COL25A1: variants seen among roughly 807,000 people sequenced by gnomAD.
COL25A1 encodes collagen alpha-1(XXV) chain.
Under a neutral mutation model 128.4 loss-of-function variants are expected in COL25A1, and 103 were observed. The observed-to-expected ratio is 0.80, with a 90% confidence interval of 0.68 to 0.94. The LOEUF (loss-of-function observed/expected upper bound fraction) is 0.94. Among genes scored for constraint, COL25A1 ranks in the 40% least tolerant of loss-of-function variants. The pLI, the probability that COL25A1 is intolerant of heterozygous loss-of-function variation, is 0.00. For synonymous variants in COL25A1, 279 were observed against 277.2 expected, an observed-to-expected ratio of 1.01 and a Z score of -0.06; for missense variants, 745 against 840.0, an observed-to-expected ratio of 0.89 and a Z score of 1.40.
chr4:109,287,356 A>G (rs886664658), intron 3 of COL25A1, among the ~76,000 whole-genome samples: 3 of 152,124 alleles, frequency 2.0e-5, no homozygotes, highest in Non-Finnish European at 2.9e-5. Context: ...CACCCACAGT[A>G]AGTCACAATA....
intron 3 of COL25A1, among the ~76,000 whole-genome samples, chr4:109,108,222 T>C (rs943816656): frequency 5.3e-5 from 8 of 152,158 alleles, no homozygotes; most frequent in Non-Finnish European, 1.2e-4. Flanking sequence ...GATGTTCCCC[T>C]TCCTGTATCC....
At chr4:109,130,900 T>C (rs1769134167) in intron 3 of COL25A1, among the ~76,000 whole-genome samples, 1 of 152,200 alleles carries the variant, frequency 6.6e-6, no homozygotes, top group Admixed American at 6.5e-5. Flanking sequence ...ATAATTCATA[T>C]ACCAAAACAG....
At chr4:108,856,139 T>C (rs1320324394) in intron 24 of COL25A1, among the ~76,000 whole-genome samples, 2 of 152,204 alleles carry the variant, frequency 1.3e-5, no homozygotes, top group South Asian at 2.1e-4. Flanking sequence ...GTTACTTTCT[T>C]TCATTTCTCA....
intron 13 of COL25A1, among the ~76,000 whole-genome samples, chr4:108,914,131 C>G (rs1744590251): frequency 6.6e-6 from 1 of 152,096 alleles, no homozygotes; most frequent in Non-Finnish European, 1.5e-5. Context: ...TTGGTGGAAA[C>G]AAGTCCAAAT....
chr4:108,904,899 G>T (rs543296181), intron 13 of COL25A1, among the ~76,000 whole-genome samples: 2 of 116,432 alleles, frequency 1.7e-5, no homozygotes, highest in African/African-American at 5.6e-5. Context: ...AGGATGGCTT[G>T]CTGCTTTCAT....
intron 3 of COL25A1, among the ~76,000 whole-genome samples, chr4:109,130,308 A>C (rs1413807915): frequency 6.6e-6 from 1 of 152,204 alleles, no homozygotes; most frequent in East Asian, 1.9e-4. Flanking sequence ...TGTTCACACA[A>C]AAGATATACA....
intron 3 of COL25A1, among the ~76,000 whole-genome samples, chr4:109,296,893 C>G (rs1330391472): frequency 5.9e-5 from 9 of 152,064 alleles, no homozygotes; most frequent in Admixed American, 3.9e-4. Context: ...AAAACCTTCT[C>G]ATAGATATGC....
At chr4:109,258,156 G>A (rs969940691) in intron 3 of COL25A1, among the ~76,000 whole-genome samples, 1 of 151,068 alleles carries the variant, frequency 6.6e-6, no homozygotes, top group Non-Finnish European at 1.5e-5. Flanking sequence ...GTACTGGCTT[G>A]GTCTCCAGTT....
rs368684927 is a variant in COL25A1, at chr4:109,049,627, A to C, written c.412+508T>G. On this transcript the variant is annotated intron_variant, in intron 4 of 37. Coordinates refer to ENST00000399132, the MANE Select transcript of COL25A1 (RefSeq NM_198721.4). ...CACTAAAATTCCATGGTTGTACAAG[A>C]AGGATAAAACATTCCCAAATTTTGA... 3.3e-5 allele frequency among the ~76,000 whole-genome samples: 5 copies of C among 152,352 alleles called. No individual in the cohort carries two copies. In the East Asian group the frequency reaches 9.6e-4, roughly 29 times the overall value.
chr4:109,124,544 T>C (rs554404179), intron 3 of COL25A1, among the ~76,000 whole-genome samples: 219 of 152,066 alleles, frequency 1.4e-3, no homozygotes, highest in African/African-American at 4.8e-3. Flanking sequence ...GAATTAAAAT[T>C]TTTTTTCCAG....
At chr4:109,028,052 T>C in intron 5 of COL25A1, among the ~76,000 whole-genome samples, 1 of 152,194 alleles carries the variant, frequency 6.6e-6, no homozygotes. Flanking sequence ...GATCATCTAA[T>C]GAGGCAATGT....
At chr4:108,915,438 C>T (rs1209421941) in intron 13 of COL25A1, among the ~76,000 whole-genome samples, 1 of 152,154 alleles carries the variant, frequency 6.6e-6, no homozygotes, top group South Asian at 2.1e-4. Context: ...TGAGCTTAGG[C>T]AATCCTCCTG....
intron 3 of COL25A1, among the ~76,000 whole-genome samples, chr4:109,057,988 C>T (rs566948926): frequency 3.6e-4 from 55 of 152,226 alleles, no homozygotes; most frequent in Non-Finnish European, 5.6e-4. Flanking sequence ...CTGAGTGCAA[C>T]GTTTTCTGGG....
At chr4:109,026,182 T>C (rs6856208) in intron 5 of COL25A1, among the ~76,000 whole-genome samples, 77,031 of 150,856 alleles carry the variant, frequency 0.51, 22,401 homozygotes, top group African/African-American at 0.78. Context: ...ATAATTCACC[T>C]GGGTTAAGAA....
intron 5 of COL25A1, among the ~76,000 whole-genome samples, chr4:109,012,363 C>T (rs989997286): frequency 1.3e-5 from 2 of 152,110 alleles, no homozygotes; most frequent in Admixed American, 6.5e-5. Flanking sequence ...CCTTGGCGTT[C>T]GCTCTGGCTA....
chr4:109,289,373 T>A (rs1316654540), intron 3 of COL25A1, among the ~76,000 whole-genome samples: 4 of 152,252 alleles, frequency 2.6e-5, no homozygotes, highest in Middle Eastern at 3.4e-3. Flanking sequence ...TTTAATGATT[T>A]AAGTAAAATC....
intron 3 of COL25A1, among the ~76,000 whole-genome samples, chr4:109,246,736 A>C (rs1040181364): frequency 6.6e-6 from 1 of 151,988 alleles, no homozygotes; most frequent in African/African-American, 2.4e-5. Context: ...TTCTGTGTTA[A>C]ACTTCTTCAT....
At chr4:108,950,728 A>C (rs1749323527) in intron 8 of COL25A1, among the ~76,000 whole-genome samples, 1 of 152,156 alleles carries the variant, frequency 6.6e-6, no homozygotes, top group Non-Finnish European at 1.5e-5. Flanking sequence ...GAGTGATGAG[A>C]ACAAGAGAGA....
At chr4:109,012,792 GA>G (rs201725395) in intron 5 of COL25A1, among the ~76,000 whole-genome samples, 1 of 151,462 alleles carries the variant, frequency 6.6e-6, no homozygotes, top group Non-Finnish European at 1.5e-5. Flanking sequence ...CAGCCTCCCT[GA>G]CGGGTGCCGC....
Sources: allele counts gnomAD v4.1 joint callset (sites outside exome capture counted in the v4.1 genomes callset), GRCh38; gene constraint gnomAD v4.1.1; transcripts MANE v1.5; gene names NCBI Gene and HGNC (gene_info 2026-07-23, HGNC 2026-07-21).